Variants in SHANK2 observed in about 807,000 individuals in gnomAD.
SHANK2 encodes SH3 and multiple ankyrin repeat domains protein 2.
SHANK2 carries 43 observed loss-of-function variants against 133.7 expected under a neutral mutation model. The observed-to-expected ratio is 0.32, with a 90% CI of 0.25 to 0.41. The LOEUF is 0.41. SHANK2 is among the 10% of genes least tolerant of loss of function. SHANK2 has a pLI of 1.00. For missense variants in SHANK2, 1,994 were observed against 2,235.8 expected (o/e 0.89, Z 2.18); for synonymous variants, 1,017 against 952.8 (o/e 1.07, Z -1.24).
At chr11:70,506,667 C>T (rs2059141390) in intron 17 of SHANK2, among the ~76,000 whole-genome samples, 1 of 152,202 alleles carries the variant, frequency 6.6e-6, no homozygotes. Context: ...CCCAGCTCCA[C>T]TTGGAGGGCC....
At chr11:70,928,896 G>A (rs530261387) in intron 10 of SHANK2, among the ~76,000 whole-genome samples, 1 of 152,220 alleles carries the variant, frequency 6.6e-6, no homozygotes, top group Non-Finnish European at 1.5e-5. Context: ...GGGGTGACCT[G>A]AAAGTGACTC....
chr11:70,656,444 C>T (rs1436758163), intron 17 of SHANK2, among the ~76,000 whole-genome samples: 5 of 152,136 alleles, frequency 3.3e-5, no homozygotes, highest in African/African-American at 1.2e-4. Flanking sequence ...GCTTCAGCCT[C>T]CCTCAGCAGG....
At chr11:70,693,757 T>A (rs1345469003) in intron 15 of SHANK2, among the ~76,000 whole-genome samples, 1 of 151,878 alleles carries the variant, frequency 6.6e-6, no homozygotes, top group Non-Finnish European at 1.5e-5. Context: ...GGTGGATGGG[T>A]GGATGGATGG....
intron 14 of SHANK2, among the ~76,000 whole-genome samples, chr11:70,709,503 G>C (rs1555025691): frequency 6.6e-6 from 1 of 152,222 alleles, no homozygotes; most frequent in East Asian, 1.9e-4. Flanking sequence ...AGTCTCAGCA[G>C]AGATGGGGAA....
At chr11:71,174,153 CAGA>C (rs1378595245) in intron 2 of SHANK2, among the ~76,000 whole-genome samples, 5 of 152,210 alleles carry the variant, frequency 3.3e-5, no homozygotes, top group African/African-American at 1.2e-4. Context: ...GATATCTTTG[CAGA>C]AGGAGGAAAC....
Position 70,469,896 on chromosome 11 carries a change from A to G in SHANK2, c.*2973T>C, listed in dbSNP as rs1443276843. 1 of 152,640 alleles carries G rather than the reference A, an allele frequency of 6.6e-6. No individual in the cohort carries two copies. The highest frequency in any genetic ancestry group is 1.5e-5 in the Non-Finnish European group (1 of 68,044). 9.5% of individuals were successfully genotyped at this position (152,640 alleles called of 1,614,324 possible). ...CCCTGGAAAAGGTATCTTGGCAGGT[A>G]TACATAATTTACATTTTGAGAGATT... On this transcript the variant is annotated 3_prime_UTR_variant, in exon 26 of 26. Coordinates refer to ENST00000601538, the MANE Select transcript of SHANK2 (RefSeq NM_012309.5).
intron 3 of SHANK2, among the ~76,000 whole-genome samples, chr11:71,121,357 G>A (rs185781157): frequency 7.2e-5 from 11 of 152,312 alleles, no homozygotes; most frequent in Admixed American, 1.3e-4. Context: ...ATTTATTTGG[G>A]AATAGGATCT....
In SHANK2 at chr11:70,882,037, AG is replaced by A. The variant is rs1467434415; in HGVS notation, c.1174+14463del. Among the ~76,000 whole-genome samples the A allele has an allele frequency of 5.9e-5, 9 of 152,252 alleles. 1 individual carries two copies. The highest frequency in any genetic ancestry group is 2.2e-4 in the African/African-American group (9 of 41,548). On this transcript the variant is annotated intron_variant, in intron 11 of 25. Transcript: ENST00000601538. This position sits in a 1 kb window ranked among gnomAD's most constrained non-coding sequence, Gnocchi z 4.2. Reference sequence around the variant, plus strand: ...TGGATCCTTAAATTCACTTGCAGGAAGGGAACCCTTGCTAGAGAGGCGGAAA... The same window carrying A: ...TGGATCCTTAAATTCACTTGCAGGAAGGAACCCTTGCTAGAGAGGCGGAAA...
chr11:70,490,406 A>G lies in SHANK2; in HGVS notation c.2440-19T>C. 1.9e-6 allele frequency: 3 copies of G among 1,606,302 alleles called. No individual in the cohort carries two copies. The South Asian group carries it at 3.3e-5, about 18-fold the overall frequency. ...ACACAGACTGCAAACCAGAGAGCCTAGGGTGAGACGCAGCCCTGGCCAGCC... is the reference window on the plus strand; with the variant it reads ...ACACAGACTGCAAACCAGAGAGCCTGGGGTGAGACGCAGCCCTGGCCAGCC... On this transcript the variant is annotated intron_variant, in intron 22 of 25. Coordinates refer to ENST00000601538, the MANE Select transcript of SHANK2 (RefSeq NM_012309.5).
chr11:71,125,398 A>G (rs1952163077), intron 3 of SHANK2, among the ~76,000 whole-genome samples: 1 of 152,252 alleles, frequency 6.6e-6, no homozygotes, highest in Admixed American at 6.5e-5. Context: ...ACAAATGGTA[A>G]GTGAAACAGG....
intron 17 of SHANK2, among the ~76,000 whole-genome samples, chr11:70,602,402 G>A (rs1169723542): frequency 1.4e-4 from 22 of 152,220 alleles, no homozygotes; most frequent in Non-Finnish European, 3.2e-4. Flanking sequence ...TGATCTAGCA[G>A]CTGCTCTCCT....
chr11:70,549,504 T>C (rs2059737604), intron 17 of SHANK2, among the ~76,000 whole-genome samples: 1 of 152,234 alleles, frequency 6.6e-6, no homozygotes, highest in Non-Finnish European at 1.5e-5. Context: ...TCATGACATT[T>C]GCGAAGCGAG....
intron 2 of SHANK2, among the ~76,000 whole-genome samples, chr11:71,159,123 C>T (rs1952961519): frequency 6.6e-6 from 1 of 152,232 alleles, no homozygotes; most frequent in Non-Finnish European, 1.5e-5. Flanking sequence ...GCAATGTACT[C>T]TCATCACGCT....
intron 23 of SHANK2, 149 bp downstream of exon 23, chr11:70,490,127 C>T: frequency 1.5e-6 from 1 of 680,118 alleles, no homozygotes; most frequent in Non-Finnish European, 2.7e-6. Flanking sequence ...GCCAGGTTCC[C>T]ACCCTCTGGT....
chr11:70,899,367 G>A lies in SHANK2; in HGVS notation c.1108-2800C>T, dbSNP rs141866297. On this transcript the variant is annotated intron_variant, in intron 10 of 25. Transcript: ENST00000601538. ...CCTGTGAAGAGGTGCCTTATGTCAT[G>A]ACTGTAAGATTCCTGAGGGCTCCCC... Among the ~76,000 whole-genome samples, 3 of 152,278 alleles carry A rather than the reference G, an allele frequency of 2.0e-5. No individual in the cohort carries two copies. In the East Asian group the frequency reaches 5.8e-4, roughly 29 times the overall value.
At chr11:70,636,269 G>T (rs1000544265) in intron 17 of SHANK2, among the ~76,000 whole-genome samples, 1 of 152,250 alleles carries the variant, frequency 6.6e-6, no homozygotes, top group Non-Finnish European at 1.5e-5. Context: ...ATGCGAGCAT[G>T]CATGTGTGTG....
intron 7 of SHANK2, among the ~76,000 whole-genome samples, chr11:71,093,448 C>G (rs781830981): frequency 7.9e-5 from 12 of 152,202 alleles, no homozygotes; most frequent in African/African-American, 2.4e-4. Context: ...GAGGTGGGGC[C>G]TGATGGGAGG....
chr11:70,608,259 C>A (rs2060606900), intron 17 of SHANK2, among the ~76,000 whole-genome samples: 1 of 152,200 alleles, frequency 6.6e-6, no homozygotes, highest in Non-Finnish European at 1.5e-5. Flanking sequence ...GGGTGCGAAC[C>A]ACCTCACCCA....
chr11:71,059,152 G>T (rs919315577), intron 9 of SHANK2, among the ~76,000 whole-genome samples: 1 of 152,226 alleles, frequency 6.6e-6, no homozygotes, highest in Non-Finnish European at 1.5e-5. Flanking sequence ...GGGAGGTGGA[G>T]GTTGCAGAGA....
Sources: gnomAD v4.1 joint callset for allele counts (sites outside exome capture counted in the v4.1 genomes callset) on GRCh38, gnomAD v4.1.1 for gene constraint, Gnocchi (gnomAD v3.1) non-coding constraint, MANE v1.5 for transcripts, NCBI Gene and HGNC (gene_info 2026-07-23, HGNC 2026-07-21) for gene names.